Variants in PBX1 observed in about 807,000 individuals in gnomAD.
The protein encoded by PBX1 is PBX homeobox 1.
A neutral mutation model predicts 53.4 loss-of-function variants in PBX1; 6 were observed. The ratio of observed to expected loss-of-function variants is 0.11; its 90% CI spans 0.06 to 0.22. The LOEUF is 0.22. PBX1 is among the 10% of genes least tolerant of loss of function. PBX1 has a pLI of 1.00. For synonymous variants in PBX1, 204 were observed against 212.3 expected (o/e 0.96, Z 0.34); for missense variants, 251 against 551.4 (o/e 0.46, Z 5.46).
At position 164,633,428 on chromosome 1, in the gene PBX1, G is replaced by A. The variant is rs572300879; in HGVS notation, c.265+70117G>A. ...GCCTTCCAAAGTGCTAGGATTACAG[G>A]CGTGAGCCACAGCACGCAGCCCCTC... is the stretch of plus-strand genomic sequence containing the variant. On this transcript the variant is annotated intron_variant, in intron 2 of 8. Coordinates refer to ENST00000420696, the MANE Select transcript of PBX1 (RefSeq NM_002585.4). Among the ~76,000 whole-genome samples the A allele has an allele frequency of 9.2e-5, 14 of 152,308 alleles. No individual in the cohort carries two copies. The South Asian group carries it at 2.7e-3, about 29-fold the overall frequency.
intron 2 of PBX1, among the ~76,000 whole-genome samples, chr1:164,582,174 A>G (rs1654655691): frequency 6.6e-6 from 1 of 152,210 alleles, no homozygotes; most frequent in South Asian, 2.1e-4. Flanking sequence ...TGAACTTCTC[A>G]GGCCTTTTGC....
At chr1:164,783,155 G>C (rs1175185365) in intron 2 of PBX1, among the ~76,000 whole-genome samples, 1 of 152,198 alleles carries the variant, frequency 6.6e-6, no homozygotes, top group African/African-American at 2.4e-5. Context: ...TGGCTCAGGG[G>C]AGACTAGGGT....
At chr1:164,571,792 T>C (rs1653872218) in intron 2 of PBX1, among the ~76,000 whole-genome samples, 1 of 145,866 alleles carries the variant, frequency 6.9e-6, no homozygotes. Context: ...TGCCAAACGG[T>C]TTTACAGAGT....
intron 2 of PBX1, chr1:164,684,763 T>C (rs1490256965): frequency 1.3e-5 from 2 of 152,228 alleles, no homozygotes; most frequent in Non-Finnish European, 2.9e-5. Flanking sequence ...TTATGTCACC[T>C]TGTATTGGCA....
chr1:164,688,930 G>A (rs1571224519), intron 2 of PBX1, among the ~76,000 whole-genome samples: 3 of 152,334 alleles, frequency 2.0e-5, no homozygotes, highest in East Asian at 1.9e-4. Flanking sequence ...GAACAACCCC[G>A]TCTTGCCTCA....
chr1:164,658,973 C>T (rs576406785), intron 2 of PBX1, among the ~76,000 whole-genome samples: 3 of 152,244 alleles, frequency 2.0e-5, no homozygotes, highest in Admixed American at 6.5e-5. Context: ...TCCATGATTT[C>T]CAGTCGTTGT....
chr1:164,615,825 GC>G (rs2101837754), intron 2 of PBX1, among the ~76,000 whole-genome samples: 1 of 152,276 alleles, frequency 6.6e-6, no homozygotes, highest in South Asian at 2.1e-4. Flanking sequence ...AGTAGAAGGA[GC>G]CAGAGGGAGA....
intron 2 of PBX1, among the ~76,000 whole-genome samples, chr1:164,671,043 G>A (rs1253474165): frequency 6.6e-6 from 1 of 152,146 alleles, no homozygotes; most frequent in Non-Finnish European, 1.5e-5. Context: ...ATGATGTGGT[G>A]CTCCTTATGG....
At chr1:164,711,062 C>G (rs533226568) in intron 2 of PBX1, among the ~76,000 whole-genome samples, 112 of 152,288 alleles carry the variant, frequency 7.4e-4, no homozygotes, top group African/African-American at 2.6e-3. Context: ...TCAACCCTTT[C>G]TCTTTTTTTC....
intron 2 of PBX1, among the ~76,000 whole-genome samples, chr1:164,873,234 C>T (rs1315218836): frequency 1.3e-5 from 2 of 152,158 alleles, no homozygotes; most frequent in East Asian, 1.9e-4. Flanking sequence ...AGGATCAGAG[C>T]CTTGTGGCAA....
chr1:164,636,100 A>G (rs1411013805), intron 2 of PBX1, among the ~76,000 whole-genome samples: 1 of 151,998 alleles, frequency 6.6e-6, no homozygotes, highest in Non-Finnish European at 1.5e-5. Context: ...GCCTCCAGTC[A>G]GTGGGCACCC....
intron 2 of PBX1, among the ~76,000 whole-genome samples, chr1:164,608,850 G>T (rs1235730623): frequency 6.6e-6 from 1 of 152,178 alleles, no homozygotes; most frequent in Admixed American, 6.5e-5. Context: ...AGGAAGAGAA[G>T]AAATGATTGG....
chr1:164,876,184 T>C (rs2102460378), intron 2 of PBX1, among the ~76,000 whole-genome samples: 1 of 151,970 alleles, frequency 6.6e-6, no homozygotes, highest in East Asian at 1.9e-4. Context: ...AAATAGAGTG[T>C]TATGTAAATG....
At chr1:164,809,635 T>A (rs1425488555) in intron 5 of PBX1, among the ~76,000 whole-genome samples, 1 of 152,154 alleles carries the variant, frequency 6.6e-6, no homozygotes, top group Admixed American at 6.5e-5. Context: ...TTCTCCTAAT[T>A]CCCAAAGCCA....
intron 2 of PBX1, chr1:164,684,377 T>A (rs768509715): frequency 4.6e-5 from 7 of 152,306 alleles, no homozygotes; most frequent in Non-Finnish European, 8.8e-5. Context: ...CTCTTATGCA[T>A]TATGAATTCT....
At chr1:164,588,983 G>A (rs1356186922) in intron 2 of PBX1, among the ~76,000 whole-genome samples, 2 of 151,978 alleles carry the variant, frequency 1.3e-5, no homozygotes, top group African/African-American at 2.4e-5. Flanking sequence ...TCTCCTTGCC[G>A]GCCTCTCCCC....
At chr1:164,835,238 GGTTTT>G (rs992381227) in intron 8 of PBX1, among the ~76,000 whole-genome samples, 4 of 123,532 alleles carry the variant, frequency 3.2e-5, no homozygotes, top group African/African-American at 1.3e-4. Flanking sequence ...TTTTGATTTT[GGTTTT>G]TTTTTTTTTT....
intron 2 of PBX1, among the ~76,000 whole-genome samples, chr1:164,874,559 A>C (rs1672460216): frequency 1.3e-5 from 2 of 152,044 alleles, no homozygotes; most frequent in African/African-American, 2.4e-5. Context: ...TAGTGGTGCG[A>C]TCTTGACTCA....
At position 164,870,214 on chromosome 1, in the gene PBX1, TTTCTTTCCTTCCTTCC is replaced by T. The variant is rs1308166226; in HGVS notation, n.258-28970_258-28955del. 2.4e-3 allele frequency among the ~76,000 whole-genome samples: 199 copies of T among 82,396 alleles called. 5 individuals carry two copies. Among genetic ancestry groups the T allele is most frequent in the African/African-American group, 6.0e-3 (166 of 27,660 alleles). 54.1% of individuals were successfully genotyped at this position (82,396 alleles called of 152,430 possible). Reference sequence around the variant, plus strand: ...TGACTTTCTTTCTTTCTTTCTTTTCTTTCTTTCCTTCCTTCCTTCCTTCCTTCCTTCCTTCCTTCCT... The same window carrying T: ...TGACTTTCTTTCTTTCTTTCTTTTCTTTCCTTCCTTCCTTCCTTCCTTCCT... On this transcript the variant is annotated intron_variant and non_coding_transcript_variant, in intron 2 of 2. Transcript: ENST00000558796.
Sources: gnomAD v4.1 joint callset for allele counts (sites outside exome capture counted in the v4.1 genomes callset) on GRCh38, gnomAD v4.1.1 for gene constraint, MANE v1.5 for transcripts, NCBI Gene and HGNC (gene_info 2026-07-23, HGNC 2026-07-21) for gene names.